Variants in PPP2R1A observed in about 807,000 individuals in gnomAD.
The protein encoded by PPP2R1A is protein phosphatase 2 scaffold subunit Aalpha.
Under a neutral mutation model 67.1 loss-of-function variants are expected in PPP2R1A, and 15 were observed. The ratio of observed to expected loss-of-function variants is 0.22; its 90% CI spans 0.15 to 0.34. The LOEUF is 0.34. Among genes scored for constraint, PPP2R1A ranks in the 10% least tolerant of loss-of-function variants. PPP2R1A has a pLI of 1.00. For synonymous variants in PPP2R1A, 337 were observed against 325.0 expected, an observed-to-expected ratio of 1.04 and a Z score of -0.40; for missense variants, 369 against 775.0, an observed-to-expected ratio of 0.48 and a Z score of 6.22.
chr19:52,197,087 A>G (rs1283242421), intron 1 of PPP2R1A, among the ~76,000 whole-genome samples: 1 of 152,346 alleles, frequency 6.6e-6, no homozygotes. Flanking sequence ...ATCATCTGCA[A>G]TTCCCAGGCA....
Position 52,219,576 on chromosome 19 carries a change from A to G in PPP2R1A, c.1129-115A>G. On this transcript the variant is annotated intron_variant, in intron 9 of 14. Coordinates refer to ENST00000322088, the MANE Select transcript of PPP2R1A (RefSeq NM_014225.6). The surrounding 1 kb of genome is among the most constrained non-coding windows in gnomAD (Gnocchi z 4.0). ...CCAGAACGGGGAGCTGGGCTTGGAC[A>G]GGAGTAGTCCCTCGGGAGATGTCCA... The G allele has an allele frequency of 9.2e-7, 1 of 1,083,722 alleles. No individual in the cohort carries two copies. The highest frequency in any genetic ancestry group is 1.3e-6 in the Non-Finnish European group (1 of 770,250). The allele number at this position is 1,083,722 out of a possible 1,614,324, so 67.1% of individuals were successfully genotyped here.
At chr19:52,210,616 C>T (rs1001009910) in intron 3 of PPP2R1A, among the ~76,000 whole-genome samples, 3 of 151,754 alleles carry the variant, frequency 2.0e-5, no homozygotes, top group Non-Finnish European at 4.4e-5. Context: ...CTCAGCCTCC[C>T]GAGTAGCTGG....
Position 52,213,457 on chromosome 19 carries a change from GTTTT to G in PPP2R1A, c.807+374_807+377del, listed in dbSNP as rs398035011. 2.6e-4 allele frequency among the ~76,000 whole-genome samples: 19 copies of G among 71,758 alleles called. No individual in the cohort carries two copies. The highest frequency in any genetic ancestry group is 4.9e-4 in the African/African-American group (9 of 18,378). 47.1% of individuals were successfully genotyped at this position (71,758 alleles called of 152,430 possible). On this transcript the variant is annotated intron_variant, in intron 6 of 14. Transcript: ENST00000322088. The surrounding 1 kb of genome is among the most constrained non-coding windows in gnomAD (Gnocchi z 4.2). ...GCCCAAAAAGGTGGGGTTTTTTGGT[GTTTT>G]TTTTTTTTTTTTTTTTTTTTTTTTT... is the stretch of plus-strand genomic sequence containing the variant.
chr19:52,198,922 G>A (rs1002716884), intron 1 of PPP2R1A, among the ~76,000 whole-genome samples: 1 of 152,182 alleles, frequency 6.6e-6, no homozygotes, highest in Admixed American at 6.5e-5. Context: ...CAAGCACGTA[G>A]CAAACAATAA....
chr19:52,202,091 C>T (rs774622235), intron 2 of PPP2R1A, 57 bp downstream of exon 2: 2 of 1,425,316 alleles, frequency 1.4e-6, no homozygotes, highest in Non-Finnish European at 2.0e-6. Context: ...GTGGTTTTCA[C>T]TATATAAGAG....
chr19:52,190,325 C>A, intron 1 of PPP2R1A, 151 bp downstream of exon 1: 2 of 896,484 alleles, frequency 2.2e-6, no homozygotes, highest in Non-Finnish European at 3.4e-6. Context: ...GTTGCCCGGA[C>A]TCCTTGAGAC....
chr19:52,203,734 T>C (rs564064165), intron 2 of PPP2R1A, among the ~76,000 whole-genome samples: 1 of 152,262 alleles, frequency 6.6e-6, no homozygotes, highest in African/African-American at 2.4e-5. Context: ...ATCCCACAGA[T>C]TGATAGCTCA....
chr19:52,192,711 T>C (rs1036656594), intron 1 of PPP2R1A, among the ~76,000 whole-genome samples: 1 of 152,144 alleles, frequency 6.6e-6, no homozygotes, highest in Non-Finnish European at 1.5e-5. Flanking sequence ...CAGACATTTG[T>C]AGGGAGATGT....
At chr19:52,218,717 T>C (rs1978733697) in intron 9 of PPP2R1A, among the ~76,000 whole-genome samples, 1 of 152,212 alleles carries the variant, frequency 6.6e-6, no homozygotes, top group Non-Finnish European at 1.5e-5. Context: ...TCCAGCGTTT[T>C]GGGGATCATT....
chr19:52,215,753 C>CT, intron 6 of PPP2R1A, 26 bp from the exon 7 acceptor site: 1 of 1,598,696 alleles, frequency 6.3e-7, no homozygotes, highest in East Asian at 2.2e-5. Context: ...CCCTCTCACT[C>CT]TCCCCCTCCT....
rs1429988004 is a variant in PPP2R1A, at chr19:52,216,018, C to T, written c.937C>T (p.Leu313Phe). Reference sequence around the variant, plus strand: ...CCTGCCCACAGAGTTCTGTGAAAACCTCTCAGCTGACTGTCGGGAGAATGT... The same window carrying T: ...CCTGCCCACAGAGTTCTGTGAAAACTTCTCAGCTGACTGTCGGGAGAATGT... Reference protein sequence around the residue: ...SHKVKEFCENLSADCRENVIM... With the variant: ...SHKVKEFCENFSADCRENVIM... Residue 313 changes from leucine to phenylalanine, a missense_variant, in exon 8 of 15, where the codon CTC becomes TTC. Transcript: ENST00000322088. The surrounding 1 kb of genome is among the most constrained non-coding windows in gnomAD (Gnocchi z 4.3). 1.1e-5 allele frequency: 18 copies of T among 1,613,998 alleles called. No individual in the cohort carries two copies. In the Admixed American group the frequency reaches 3.0e-4, roughly 27 times the overall value.
chr19:52,205,933 A>T, intron 2 of PPP2R1A, 30 bp from the exon 3 acceptor site: 1 of 1,576,414 alleles, frequency 6.3e-7, no homozygotes, highest in Non-Finnish European at 8.7e-7. Flanking sequence ...TTGAGATGGG[A>T]TAGTCACGAA....
intron 1 of PPP2R1A, among the ~76,000 whole-genome samples, chr19:52,190,570 G>T (rs971948687): frequency 3.3e-5 from 5 of 152,230 alleles, no homozygotes; most frequent in Non-Finnish European, 7.3e-5. Flanking sequence ...GAGGGCCGCC[G>T]GGTGGGTCGG....
In PPP2R1A at chr19:52,222,119, G is replaced by A; in HGVS notation, c.1539G>A (p.Gly513=). 1 of 1,613,216 alleles carries A rather than the reference G, an allele frequency of 6.2e-7. No homozygotes were observed. The highest frequency in any genetic ancestry group is 8.5e-7 in the Non-Finnish European group (1 of 1,179,668). ...FCINVLSEVC[G]QDITTKHMLP... ...CCCAGGTGCTGTCTGAGGTCTGTGG[G>A]CAGGACATCACCACCAAGCACATGC... Residue 513 remains glycine (G), a synonymous_variant, in exon 13 of 15, where the codon GGG becomes GGA. Coordinates refer to ENST00000322088, the MANE Select transcript of PPP2R1A (RefSeq NM_014225.6).
chr19:52,208,497 T>C (rs187553255), intron 3 of PPP2R1A, among the ~76,000 whole-genome samples: 1 of 150,498 alleles, frequency 6.6e-6, no homozygotes, highest in Non-Finnish European at 1.5e-5. Flanking sequence ...TCAGCAGCTC[T>C]TTTTATTTTT....
At chr19:52,199,825 G>T (rs986080328) in intron 1 of PPP2R1A, among the ~76,000 whole-genome samples, 2 of 152,150 alleles carry the variant, frequency 1.3e-5, no homozygotes, top group Admixed American at 1.3e-4. Flanking sequence ...TCTTTCTATA[G>T]GTCTGTCTCT....
rs1216351901 is a variant in PPP2R1A at position 52,226,031 on chromosome 19, C to T, written c.*50C>T. On this transcript the variant is annotated 3_prime_UTR_variant, in exon 15 of 15. Coordinates refer to ENST00000322088, the MANE Select transcript of PPP2R1A (RefSeq NM_014225.6). ...CCTCTGGTGTCCACCCTCCAACCCC[C>T]ACAAGTCCCTCTTTGGGGAGACACT... The T allele has an allele frequency of 4.3e-6, 7 of 1,613,920 alleles. No individual in the cohort carries two copies. The highest frequency in any genetic ancestry group is 5.9e-6 in the Non-Finnish European group (7 of 1,179,752).
At chr19:52,190,756 G>A (rs1198614096) in intron 1 of PPP2R1A, among the ~76,000 whole-genome samples, 1 of 152,222 alleles carries the variant, frequency 6.6e-6, no homozygotes, top group Non-Finnish European at 1.5e-5. Context: ...GACTAGCCAA[G>A]TTTAGGAGCG....
intron 7 of PPP2R1A, 32 bp from the exon 8 acceptor site, chr19:52,215,972 A>G: frequency 1.9e-6 from 3 of 1,611,420 alleles, no homozygotes; most frequent in Non-Finnish European, 2.5e-6. Context: ...ATCAGGTCTC[A>G]CTTCCCTTTG....
Sources: allele counts gnomAD v4.1 joint callset (sites outside exome capture counted in the v4.1 genomes callset), GRCh38; gene constraint gnomAD v4.1.1; non-coding constraint Gnocchi (gnomAD v3.1); transcripts MANE v1.5; gene names NCBI Gene and HGNC (gene_info 2026-07-23, HGNC 2026-07-21).